CNIH3: variants seen among roughly 807,000 people sequenced by gnomAD.
CNIH3 encodes the protein protein cornichon homolog 3.
In CNIH3, 14 loss-of-function variants were observed where a neutral mutation model predicts 24.1. That is an observed-to-expected ratio of 0.58 (90% CI 0.38 to 0.91). CNIH3 has a LOEUF of 0.91. Ranked by LOEUF, CNIH3 falls within the 40% of genes least tolerant of loss-of-function variation. The probability of loss-of-function intolerance (pLI) is 0.00; values close to 1 mark genes in which losing one functional copy is unlikely to be tolerated. For synonymous variants in CNIH3, 68 were observed against 73.8 expected (o/e 0.92, Z 0.40); for missense variants, 178 against 196.8 (o/e 0.90, Z 0.57).
chr1:224,578,357 A>C (rs971837179), intron 4 of CNIH3, among the ~76,000 whole-genome samples: 2 of 152,194 alleles, frequency 1.3e-5, no homozygotes, highest in Non-Finnish European at 2.9e-5. Flanking sequence ...AGGTATTTCC[A>C]ACAATTTCAT....
intron 1 of CNIH3, among the ~76,000 whole-genome samples, chr1:224,436,076 TCAGA>T (rs1477903438): frequency 1.3e-5 from 2 of 152,234 alleles, no homozygotes; most frequent in African/African-American, 2.4e-5. Context: ...TTATGGATCC[TCAGA>T]CAGGAAGAAG....
At chr1:224,446,432 G>A (rs903291006) in intron 1 of CNIH3, among the ~76,000 whole-genome samples, 4 of 152,030 alleles carry the variant, frequency 2.6e-5, no homozygotes, top group African/African-American at 9.7e-5. Context: ...AGTTCTTTAA[G>A]TCTTTAATTT....
At chr1:224,479,241 C>T (rs1676707981) in intron 1 of CNIH3, among the ~76,000 whole-genome samples, 1 of 149,632 alleles carries the variant, frequency 6.7e-6, no homozygotes, top group African/African-American at 2.5e-5. Context: ...GCAACCTCTG[C>T]CTCCCAGGTT....
intron 4 of CNIH3, among the ~76,000 whole-genome samples, chr1:224,580,200 C>G (rs1681212739): frequency 6.6e-6 from 1 of 152,132 alleles, no homozygotes; most frequent in Admixed American, 6.5e-5. Flanking sequence ...AGTCAGACCC[C>G]TTATATTTGG....
chr1:224,473,868 C>T (rs1225841565), intron 1 of CNIH3, among the ~76,000 whole-genome samples: 6 of 152,142 alleles, frequency 3.9e-5, no homozygotes, highest in Admixed American at 3.9e-4. Context: ...GCACATGGAT[C>T]ATTCACAAGG....
intron 3 of CNIH3, among the ~76,000 whole-genome samples, chr1:224,603,995 C>T (rs762994635): frequency 1.1e-4 from 17 of 152,192 alleles, no homozygotes; most frequent in Admixed American, 7.2e-4. Flanking sequence ...ACAAGAATTA[C>T]AATGCACAGA....
chr1:224,721,043 A>G (rs1688695834), intron 3 of CNIH3, among the ~76,000 whole-genome samples: 2 of 151,996 alleles, frequency 1.3e-5, no homozygotes, highest in Non-Finnish European at 2.9e-5. Context: ...CACTCAGAAC[A>G]ATGGTTTCTT....
intron 1 of CNIH3, among the ~76,000 whole-genome samples, chr1:224,649,299 G>A (rs182801036): frequency 5.9e-5 from 9 of 152,244 alleles, no homozygotes; most frequent in Non-Finnish European, 1.0e-4. Context: ...AGGAAATGCC[G>A]GTGGTCTCCG....
intron 3 of CNIH3, among the ~76,000 whole-genome samples, chr1:224,698,365 C>T (rs934078955): frequency 6.6e-6 from 1 of 152,184 alleles, no homozygotes; most frequent in South Asian, 2.1e-4. Flanking sequence ...GCGGGGAACA[C>T]GCAGCAAGAA....
rs914038937 is a variant in CNIH3, at chr1:224,703,379, G to A, written c.198+18536G>A. 6.6e-6 allele frequency among the ~76,000 whole-genome samples: 1 copy of A among 151,798 alleles called. No individual in the cohort carries two copies. Among genetic ancestry groups the A allele is most frequent in the Non-Finnish European group, 1.5e-5 (1 of 68,012 alleles). ...TTGCCGCACATTAGAATCACCTGGGGGAAATTTTAAAAATCCTGATGCCCA... is the reference window on the plus strand; with the variant it reads ...TTGCCGCACATTAGAATCACCTGGGAGAAATTTTAAAAATCCTGATGCCCA... On this transcript the variant is annotated intron_variant, in intron 3 of 5. Coordinates refer to ENST00000272133, the MANE Select transcript of CNIH3 (RefSeq NM_152495.2). The surrounding 1 kb of genome is among the most constrained non-coding windows in gnomAD (Gnocchi z 4.2).
intron 1 of CNIH3, among the ~76,000 whole-genome samples, chr1:224,487,383 GC>G (rs914126962): frequency 6.6e-6 from 1 of 152,170 alleles, no homozygotes; most frequent in Admixed American, 6.6e-5. Flanking sequence ...AATGTTAGGA[GC>G]CCTTCCTCCT....
At chr1:224,613,709 C>G (rs890501461), upstream of CNIH3, among the ~76,000 whole-genome samples, 1 of 152,150 alleles carries the variant, frequency 6.6e-6, no homozygotes, top group Non-Finnish European at 1.5e-5. Context: ...CACTCTCTTG[C>G]TCTTGCTTTT....
At chr1:224,481,535 A>G (rs1676813590) in intron 1 of CNIH3, among the ~76,000 whole-genome samples, 1 of 152,330 alleles carries the variant, frequency 6.6e-6, no homozygotes, top group East Asian at 1.9e-4. Context: ...GTGGTCTTGG[A>G]TAAAATCTAG....
chr1:224,685,874 A>G (rs1686630211), intron 3 of CNIH3, among the ~76,000 whole-genome samples: 1 of 152,180 alleles, frequency 6.6e-6, no homozygotes, highest in Non-Finnish European at 1.5e-5. Context: ...TGCTTGGATA[A>G]AGCCTATATA....
rs145694897 is a variant in CNIH3 at position 224,586,842 on chromosome 1, G to A, written n.621-1519G>A. 3.0e-3 allele frequency among the ~76,000 whole-genome samples: 451 copies of A among 152,310 alleles called. 1 individual carries two copies. The highest frequency in any genetic ancestry group is 0.01 in the African/African-American group (428 of 41,564). ...AAAAGAAGGCCATGGGAAGATGGAG[G>A]CAGAGATTGGAGTGATGCTGCCACA... On this transcript the variant is annotated intron_variant and non_coding_transcript_variant, in intron 5 of 5. Transcript: ENST00000471578.
chr1:224,453,865 G>A (rs1379922927), intron 1 of CNIH3, among the ~76,000 whole-genome samples: 1 of 152,090 alleles, frequency 6.6e-6, no homozygotes, highest in Non-Finnish European at 1.5e-5. Flanking sequence ...ACAAAGAGAA[G>A]AAATGGGACC....
chr1:224,636,404 G>A lies in CNIH3; in HGVS notation c.81+19149G>A, dbSNP rs60070632. 2.3e-3 allele frequency among the ~76,000 whole-genome samples: 342 copies of A among 149,084 alleles called. 4 individuals carry two copies. The East Asian group carries it at 0.028, about 12-fold the overall frequency. ...CCTAGAGAGGTAAAGTGACTTGGTC[G>A]AGATCACAGCCTATTCAGGACGAAG... On this transcript the variant is annotated intron_variant, in intron 1 of 5. Coordinates refer to ENST00000272133, the MANE Select transcript of CNIH3 (RefSeq NM_152495.2).
chr1:224,452,781 C>CAAA (rs1173499027), intron 1 of CNIH3, among the ~76,000 whole-genome samples: 8 of 44,238 alleles, frequency 1.8e-4, no homozygotes, highest in African/African-American at 2.8e-4. Flanking sequence ...AACTCTGTCT[C>CAAA]AAAAAAAAAA....
At chr1:224,691,689 T>C (rs1686940285) in intron 3 of CNIH3, among the ~76,000 whole-genome samples, 1 of 152,242 alleles carries the variant, frequency 6.6e-6, no homozygotes, top group African/African-American at 2.4e-5. Flanking sequence ...CATGGCAACA[T>C]TCCTGACATG....
Sources: gnomAD v4.1 joint callset for allele counts (sites outside exome capture counted in the v4.1 genomes callset) on GRCh38, gnomAD v4.1.1 for gene constraint, Gnocchi (gnomAD v3.1) non-coding constraint, MANE v1.5 for transcripts, NCBI Gene and HGNC (gene_info 2026-07-23, HGNC 2026-07-21) for gene names.